Variants in TCP11L1 observed in about 807,000 individuals in gnomAD.
The protein encoded by TCP11L1 is t-complex 11 like 1.
In TCP11L1, 28 loss-of-function variants were observed where a neutral mutation model predicts 48.9. That is an observed-to-expected ratio of 0.57 (90% CI 0.42 to 0.78). TCP11L1 has a LOEUF of 0.78. Ranked by LOEUF, TCP11L1 falls within the 30% of genes least tolerant of loss-of-function variation. TCP11L1 has a pLI of 0.00. For missense variants in TCP11L1, 505 were observed against 613.4 expected (o/e 0.82, Z 1.87); for synonymous variants, 204 against 231.9 (o/e 0.88, Z 1.09).
At chr11:33,070,327 C>T (rs1220715156) in intron 9 of TCP11L1, among the ~76,000 whole-genome samples, 1 of 151,834 alleles carries the variant, frequency 6.6e-6, no homozygotes, top group East Asian at 1.9e-4. Flanking sequence ...TGGGTAGGAA[C>T]AATACAAAGA....
At position 33,068,761 on chromosome 11, in the gene TCP11L1, T is replaced by G. The variant is rs774418806; in HGVS notation, c.1229T>G (p.Leu410Arg). 23 of 1,614,002 alleles carry G rather than the reference T, an allele frequency of 1.4e-5. No homozygotes were observed. The highest frequency in any genetic ancestry group is 1.9e-5 in the Non-Finnish European group (23 of 1,180,034). ...CTGGAGGTGAGCAGCTGCCTCTCCC[T>G]GTGTGGGTCCTCTCCCTTCACCACG... ...VCLEVSSCLS[L>R]CGSSPFTTDK... The change falls in exon 9 of 10, where the codon CTG becomes CGG. Residue 410 changes from leucine to arginine, a missense_variant. Leu to Arg is a moderately radical substitution (Grantham distance 102, BLOSUM62 -2). Transcript: ENST00000334274.
In TCP11L1 at chr11:33,066,000, T is replaced by TA; in HGVS notation, c.1144dup (p.Met382AsnfsTer55). On this transcript the variant is annotated frameshift_variant, in exon 8 of 10. Transcript: ENST00000334274. LOFTEE classifies it high-confidence loss of function. ...TGATTGTGAAGATTTTGCTAACAGATATGCACCTGCCGTAAGTGGAACTTT... is the reference window on the plus strand; with the variant it reads ...TGATTGTGAAGATTTTGCTAACAGATAATGCACCTGCCGTAAGTGGAACTTT... 5 of 1,613,874 alleles carry TA rather than the reference T, an allele frequency of 3.1e-6. No individual in the cohort carries two copies. Among genetic ancestry groups the TA allele is most frequent in the Non-Finnish European group, 4.2e-6 (5 of 1,179,836 alleles).
rs750912489 is a variant in TCP11L1, at chr11:33,072,527, C to G, written c.1381C>G (p.Pro461Ala). The change falls in exon 10 of 10, where the codon CCA becomes GCA. Residue 461 changes from proline (P) to alanine (A), a missense_variant. Physicochemically the swap from Pro to Ala is conservative, Grantham distance 27 (BLOSUM62 -1). Transcript: ENST00000334274. Reference sequence around the variant, plus strand: ...CTACCTTGCCTCGGGTCATCAGAAGCCATTGCCCACAGTCCCTGGGGGACT... The same window carrying G: ...CTACCTTGCCTCGGGTCATCAGAAGGCATTGCCCACAGTCCCTGGGGGACT... ...ETYLASGHQK[P>A]LPTVPGGLSP... The G allele has an allele frequency of 6.2e-6, 10 of 1,614,060 alleles. No homozygotes were observed. The highest frequency in any genetic ancestry group is 8.5e-6 in the Non-Finnish European group (10 of 1,180,042).
At position 33,068,684 on chromosome 11, in the gene TCP11L1, C is replaced by G; in HGVS notation, c.1155-3C>G. The G allele has an allele frequency of 6.2e-7, 1 of 1,613,558 alleles. No homozygotes were observed. The highest frequency in any genetic ancestry group is 8.5e-7 in the Non-Finnish European group (1 of 1,179,580). ...AGGCCCTTTCTCCCCTCCTCTGCCC[C>G]AGCTCCTTCCATCTGAAGGACGTCC... is the stretch of plus-strand genomic sequence containing the variant. On this transcript the variant is annotated splice_region_variant and splice_polypyrimidine_tract_variant and intron_variant, in intron 8 of 9. Coordinates refer to ENST00000334274, the MANE Select transcript of TCP11L1 (RefSeq NM_018393.4).
intron 2 of TCP11L1, among the ~76,000 whole-genome samples, chr11:33,048,700 A>G (rs74997697): frequency 0.012 from 1,890 of 152,242 alleles, 45 homozygotes; most frequent in African/African-American, 0.042. Flanking sequence ...TTTTTTTCCA[A>G]GTATGCCCAA....
intron 3 of TCP11L1, among the ~76,000 whole-genome samples, 162 bp from the exon 4 acceptor site, chr11:33,056,953 T>G (rs994361438): frequency 5.3e-5 from 8 of 152,328 alleles, no homozygotes; most frequent in South Asian, 4.1e-4. Flanking sequence ...ACTTTTAAAA[T>G]AAAGTATGCC....
At chr11:33,058,833 C>A in intron 5 of TCP11L1, 126 bp from the exon 6 acceptor site, 1 of 972,300 alleles carries the variant, frequency 1.0e-6, no homozygotes, top group Non-Finnish European at 1.5e-6. Context: ...TGGGCTCAAG[C>A]AGTCCTCCCG....
Position 33,068,716 on chromosome 11 carries a change from C to T in TCP11L1, c.1184C>T (p.Thr395Ile), listed in dbSNP as rs1564988648. 6.2e-7 allele frequency: 1 copy of T among 1,614,136 alleles called. No homozygotes were observed. Among genetic ancestry groups the T allele is most frequent in the Non-Finnish European group, 8.5e-7 (1 of 1,180,014 alleles). ...TTCCATCTGAAGGACGTCCTCACTACCATCGGGGAGAAGGTGTGCCTGGAG... is the reference window on the plus strand; with the variant it reads ...TTCCATCTGAAGGACGTCCTCACTATCATCGGGGAGAAGGTGTGCCTGGAG... ...PSFHLKDVLTTIGEKVCLEVS... is the reference protein window; with the variant it reads ...PSFHLKDVLTIIGEKVCLEVS... Residue 395 changes from threonine to isoleucine, a missense_variant, in exon 9 of 10, where the codon ACC becomes ATC. Thr to Ile is a moderately conservative substitution (Grantham distance 89). Around this residue, in one of 3 missense-constraint regions of TCP11L1, gnomAD observed 335 missense variants for 413.3 expected, o/e 0.81. Coordinates refer to ENST00000334274, the MANE Select transcript of TCP11L1 (RefSeq NM_018393.4).
intron 7 of TCP11L1, among the ~76,000 whole-genome samples, chr11:33,062,415 T>G (rs1854494424): frequency 6.6e-6 from 1 of 152,166 alleles, no homozygotes; most frequent in South Asian, 2.1e-4. Context: ...GTGCCTGGCT[T>G]CTTTCACCAA....
At chr11:33,043,639 C>T (rs947758560) in intron 1 of TCP11L1, 111 bp from the exon 2 acceptor site, 16 of 831,454 alleles carry the variant, frequency 1.9e-5, no homozygotes, top group African/African-American at 8.7e-5. Context: ...ATTCTACAAA[C>T]GAGAAAACTG....
chr11:33,054,476 C>T, intron 2 of TCP11L1, 117 bp from the exon 3 acceptor site: 1 of 1,278,528 alleles, frequency 7.8e-7, no homozygotes, highest in African/African-American at 1.5e-5. Context: ...CCAGAACAAA[C>T]ATTTTAATAG....
chr11:33,058,044 A>G lies in TCP11L1; in HGVS notation c.543A>G (p.Glu181=), dbSNP rs1326705234. The G allele has an allele frequency of 1.9e-6, 3 of 1,614,174 alleles. No homozygotes were observed. Among genetic ancestry groups the G allele is most frequent in the Non-Finnish European group, 8.5e-7 (1 of 1,180,028 alleles). The part of the protein sequence containing the change: ...NGALDISKLA[E]FIIGMMGTLC... ...CGCTAGACATTTCCAAGCTGGCAGAATTCATTATTGGCATGATGGGGACAC... is the reference window on the plus strand; with the variant it reads ...CGCTAGACATTTCCAAGCTGGCAGAGTTCATTATTGGCATGATGGGGACAC... The change falls in exon 5 of 10, where the codon GAA becomes GAG. Residue 181 remains glutamate, a synonymous_variant. Transcript: ENST00000334274.
At position 33,072,755 on chromosome 11, in the gene TCP11L1, A is replaced by G; in HGVS notation, c.*79A>G. On this transcript the variant is annotated 3_prime_UTR_variant, in exon 10 of 10. Coordinates refer to ENST00000334274, the MANE Select transcript of TCP11L1 (RefSeq NM_018393.4). Reference sequence around the variant, plus strand: ...CTGTACTCTAATGTTGCATTGGAAAATGGCTATATAGTACATGTCTATTTA... The same window carrying G: ...CTGTACTCTAATGTTGCATTGGAAAGTGGCTATATAGTACATGTCTATTTA... 1 of 1,507,118 alleles carries G rather than the reference A, an allele frequency of 6.6e-7. No individual in the cohort carries two copies. The highest frequency in any genetic ancestry group is 1.2e-5 in the South Asian group (1 of 86,936). 93.4% of individuals were successfully genotyped at this position (1,507,118 alleles called of 1,614,324 possible).
chr11:33,064,277 A>G (rs1197120921), intron 7 of TCP11L1, among the ~76,000 whole-genome samples: 1 of 152,244 alleles, frequency 6.6e-6, no homozygotes, highest in Non-Finnish European at 1.5e-5. Flanking sequence ...GGGAAGCCAC[A>G]AAGCCATGTG....
At chr11:33,055,729 T>C (rs1490848095) in intron 3 of TCP11L1, among the ~76,000 whole-genome samples, 4 of 152,246 alleles carry the variant, frequency 2.6e-5, no homozygotes, top group African/African-American at 7.2e-5. Context: ...TTCACAGAGA[T>C]TTCTTATATC....
chr11:33,068,111 G>T (rs1387922821), intron 8 of TCP11L1, among the ~76,000 whole-genome samples: 1 of 151,926 alleles, frequency 6.6e-6, no homozygotes, highest in East Asian at 1.9e-4. Context: ...TAGAGATGGG[G>T]TTTCACCATG....
In TCP11L1 at chr11:33,058,088, A is replaced by T. The variant is rs1854362681; in HGVS notation, c.587A>T (p.Asp196Val). The T allele has an allele frequency of 1.2e-6, 2 of 1,614,134 alleles. No individual in the cohort carries two copies. Among genetic ancestry groups the T allele is most frequent in the Non-Finnish European group, 1.7e-6 (2 of 1,180,030 alleles). ...GGGACACTGTGTGCACCTGCTCGAG[A>T]TGAGGAAGTTAAGAAACTAAAGGAC... ...MMGTLCAPAR[D>V]EEVKKLKDIK... The change falls in exon 5 of 10, where the codon GAT becomes GTT. Residue 196 changes from aspartate to valine, a missense_variant. By Grantham distance (152) the Asp-to-Val change is radical (BLOSUM62 -3). Coordinates refer to ENST00000334274, the MANE Select transcript of TCP11L1 (RefSeq NM_018393.4).
chr11:33,058,864 G>A (rs1020420014), intron 5 of TCP11L1, 95 bp from the exon 6 acceptor site: 139 of 1,399,718 alleles, frequency 9.9e-5, no homozygotes, highest in Non-Finnish European at 1.2e-4. Flanking sequence ...CCAAAGTGTT[G>A]GGATTACAGG....
At chr11:33,053,934 A>G (rs775859521) in intron 2 of TCP11L1, among the ~76,000 whole-genome samples, 34 of 151,788 alleles carry the variant, frequency 2.2e-4, no homozygotes, top group Non-Finnish European at 3.8e-4. Context: ...TCCAGCCTCA[A>G]CCTCCTGAGT....
Sources: allele counts gnomAD v4.1 joint callset (sites outside exome capture counted in the v4.1 genomes callset), GRCh38; gene constraint gnomAD v4.1.1; regional missense constraint gnomAD v4.1.1; transcripts MANE v1.5; gene names NCBI Gene and HGNC (gene_info 2026-07-23, HGNC 2026-07-21).